Variants in RBPJL observed in about 807,000 individuals in gnomAD.
RBPJL encodes recombining binding protein suppressor of hairless-like protein.
RBPJL carries 50 observed loss-of-function variants against 57.6 expected under a neutral mutation model. The observed-to-expected ratio is 0.87, with a 90% CI of 0.69 to 1.10. The LOEUF (loss-of-function observed/expected upper bound fraction) is 1.10. Ranked by LOEUF, RBPJL falls within the 50% of genes least tolerant of loss-of-function variation. RBPJL has a pLI of 0.00. For synonymous variants in RBPJL, 303 were observed against 294.4 expected (o/e 1.03, Z -0.30); for missense variants, 684 against 693.7 (o/e 0.99, Z 0.16).
chr20:45,310,162 G>T (rs569571526), intron 3 of RBPJL, among the ~76,000 whole-genome samples: 328 of 152,294 alleles, frequency 2.2e-3, no homozygotes, highest in Non-Finnish European at 3.4e-3. Flanking sequence ...ACTGAACGAG[G>T]CCATTTGACG....
In RBPJL at chr20:45,312,369, A is replaced by G; in HGVS notation, c.593A>G (p.Lys198Arg). The change falls in exon 6 of 12, where the codon AAG becomes AGG. Residue 198 changes from lysine (K) to arginine (R), a missense_variant. Physicochemically the swap from Lys to Arg is conservative, Grantham distance 26. Coordinates refer to ENST00000343694, the MANE Select transcript of RBPJL (RefSeq NM_014276.4). ...AAGGTCATCTCGAAGCCCTCGCAGA[A>G]GAAGCAGTCGCTGAAAAACACCGAT... is the stretch of plus-strand genomic sequence containing the variant. ...LIKVISKPSQKKQSLKNTDLC... is the reference protein window; with the variant it reads ...LIKVISKPSQRKQSLKNTDLC... The G allele has an allele frequency of 6.2e-7, 1 of 1,614,104 alleles. No homozygotes were observed. The highest frequency in any genetic ancestry group is 8.5e-7 in the Non-Finnish European group (1 of 1,180,016).
At chr20:45,309,118 C>T (rs1423131751) in intron 2 of RBPJL, among the ~76,000 whole-genome samples, 2 of 151,892 alleles carry the variant, frequency 1.3e-5, no homozygotes, top group African/African-American at 4.8e-5. Context: ...CTCTCCCTTC[C>T]CCTCCCTCCT....
In RBPJL at chr20:45,317,623, T is replaced by A. The variant is rs943949042; in HGVS notation, c.*664T>A. 3 of 152,214 alleles carry A rather than the reference T, an allele frequency of 2.0e-5. No homozygotes were observed. Among genetic ancestry groups the A allele is most frequent in the African/African-American group, 7.2e-5 (3 of 41,400 alleles). The allele number at this position is 152,214 out of a possible 1,614,324, so 9.4% of individuals were successfully genotyped here. A position where few individuals can be genotyped will look rare whatever the true frequency, so the allele number is the denominator to read the frequency against. On this transcript the variant is annotated 3_prime_UTR_variant, in exon 12 of 12. Transcript: ENST00000343694. ...CACAAAGACCTGCTCCTCCCGAGAC[T>A]CTCTCTGACTGCAGCCAGGCATAGT...
intron 8 of RBPJL, 30 bp downstream of exon 8, chr20:45,314,174 G>T (rs1422960776): frequency 6.4e-7 from 1 of 1,573,446 alleles, no homozygotes; most frequent in Non-Finnish European, 8.7e-7. Context: ...GCCTGGAGGG[G>T]TCCCCTCAGA....
intron 7 of RBPJL, 41 bp from the exon 8 acceptor site, chr20:45,313,994 G>T (rs757682493): frequency 7.0e-7 from 1 of 1,419,478 alleles, no homozygotes; most frequent in African/African-American, 1.4e-5. Context: ...GAAGCTTGGG[G>T]GCCGCTGAAA....
intron 1 of RBPJL, among the ~76,000 whole-genome samples, chr20:45,307,182 C>A (rs1986788276): frequency 6.6e-6 from 1 of 152,136 alleles, no homozygotes; most frequent in African/African-American, 2.4e-5. Context: ...CACCGCCGCG[C>A]CCCATGCTGA....
chr20:45,316,239 G>A lies in RBPJL; in HGVS notation c.1073G>A (p.Cys358Tyr), dbSNP rs1208126075. The A allele has an allele frequency of 6.2e-7, 1 of 1,614,140 alleles. No homozygotes were observed. The highest frequency in any genetic ancestry group is 8.5e-7 in the Non-Finnish European group (1 of 1,180,046). Residue 358 changes from cysteine (C) to tyrosine (Y), a missense_variant, in exon 10 of 12, where the codon TGC becomes TAC. Physicochemically the swap from Cys to Tyr is radical, Grantham distance 194. Transcript: ENST00000343694. ...AGGGCTCTGCTTAACGACAGCTCTT[G>A]CTGGACCATCATCGGCACCGAGTCG... ...ANRALLNDSS[C>Y]WTIIGTESVE...
At chr20:45,310,365 G>T (rs553974498) in intron 3 of RBPJL, among the ~76,000 whole-genome samples, 2 of 152,244 alleles carry the variant, frequency 1.3e-5, no homozygotes, top group African/African-American at 2.4e-5. Flanking sequence ...CCAGCACTTT[G>T]GGAGGCCGAG....
chr20:45,312,479 G>A, intron 6 of RBPJL, 84 bp downstream of exon 6: 1 of 1,385,292 alleles, frequency 7.2e-7, no homozygotes, highest in Non-Finnish European at 9.8e-7. Flanking sequence ...GCGGAGGTGG[G>A]GGTAGGCTGG....
chr20:45,311,171 GA>G (rs1268078527), intron 3 of RBPJL, among the ~76,000 whole-genome samples: 5 of 149,114 alleles, frequency 3.4e-5, no homozygotes, highest in Non-Finnish European at 4.4e-5. Flanking sequence ...AGGAATGAAA[GA>G]AAAAAAGAAA....
intron 8 of RBPJL, 25 bp from the exon 9 acceptor site, chr20:45,314,388 T>C: frequency 6.2e-7 from 1 of 1,605,414 alleles, no homozygotes; most frequent in African/African-American, 1.3e-5. Context: ...TTGCCACCAC[T>C]GTTCTTACCA....
intron 8 of RBPJL, 35 bp from the exon 9 acceptor site, chr20:45,314,378 T>C (rs776808805): frequency 4.4e-6 from 7 of 1,598,306 alleles, no homozygotes; most frequent in Non-Finnish European, 6.0e-6. Flanking sequence ...CCCGGGCTCC[T>C]TGCCACCACT....
At position 45,314,484 on chromosome 20, in the gene RBPJL, T is replaced by C. The variant is rs1184075364; in HGVS notation, c.939T>C (p.Cys313=). The C allele has an allele frequency of 1.2e-6, 2 of 1,614,228 alleles. No individual in the cohort carries two copies. Among genetic ancestry groups the C allele is most frequent in the Non-Finnish European group, 1.7e-6 (2 of 1,180,024 alleles). The change falls in exon 9 of 12, where the codon TGT becomes TGC. Residue 313 remains cysteine (C), a synonymous_variant. Coordinates refer to ENST00000343694, the MANE Select transcript of RBPJL (RefSeq NM_014276.4). ...AGCCCATCTCCCAGCTGCACAAGTG[T>C]GCATTCCAGTTTCCAGGCAGTCCCC... ...VDEPISQLHK[C]AFQFPGSPPG...
chr20:45,316,415 G>C (rs2145697760), intron 10 of RBPJL, 62 bp from the exon 11 acceptor site: 4 of 1,581,976 alleles, frequency 2.5e-6, no homozygotes, highest in Non-Finnish European at 3.4e-6. Flanking sequence ...CTAGTGAGTG[G>C]GGGGCAGCGG....
intron 6 of RBPJL, among the ~76,000 whole-genome samples, chr20:45,313,007 C>CAAA (rs11476630): frequency 8.2e-6 from 1 of 121,842 alleles, no homozygotes; most frequent in African/African-American, 3.0e-5. Flanking sequence ...GATGCTATCT[C>CAAA]AAAAAAAAAA....
intron 10 of RBPJL, 54 bp from the exon 11 acceptor site, chr20:45,316,423 C>T: frequency 6.4e-7 from 1 of 1,572,444 alleles, no homozygotes; most frequent in Non-Finnish European, 8.6e-7. Flanking sequence ...TGGGGGGCAG[C>T]GGGTTCCCGC....
chr20:45,315,919 GAAAGA>G (rs915428842), intron 9 of RBPJL: 8 of 373,140 alleles, frequency 2.1e-5, no homozygotes, highest in African/African-American at 1.7e-4. Flanking sequence ...GAGAGAAAGG[GAAAGA>G]AAAAGAAAAG....
chr20:45,316,294 G>A lies in RBPJL; in HGVS notation c.1128G>A (p.Ala376=), dbSNP rs1471952287. ...SVEFSFSTSL[A]CTLEPVTPVP... ...AATTTTCCTTCAGCACCAGCCTGGCGTGTACCCTGGAGCCGGTCACTCCGG... is the reference window on the plus strand; with the variant it reads ...AATTTTCCTTCAGCACCAGCCTGGCATGTACCCTGGAGCCGGTCACTCCGG... Residue 376 remains alanine, a synonymous_variant, in exon 10 of 12, where the codon GCG becomes GCA. Coordinates refer to ENST00000343694, the MANE Select transcript of RBPJL (RefSeq NM_014276.4). 5 of 1,614,084 alleles carry A rather than the reference G, an allele frequency of 3.1e-6. No homozygotes were observed. Among genetic ancestry groups the A allele is most frequent in the African/African-American group, 2.7e-5 (2 of 74,956 alleles).
In RBPJL at chr20:45,317,285, T is replaced by G; in HGVS notation, c.*326T>G. On this transcript the variant is annotated 3_prime_UTR_variant, in exon 12 of 12. Transcript: ENST00000343694. ...TACTTAGTCTACAGACCTATGTGCGTGTCCCTATCCTTCTGTCCTTTTCTC... is the reference window on the plus strand; with the variant it reads ...TACTTAGTCTACAGACCTATGTGCGGGTCCCTATCCTTCTGTCCTTTTCTC... The G allele has an allele frequency of 2.6e-6, 1 of 386,918 alleles. No homozygotes were observed. Among genetic ancestry groups the G allele is most frequent in the Non-Finnish European group, 4.6e-6 (1 of 216,164 alleles). The allele number at this position is 386,918 out of a possible 1,614,324, so 24.0% of individuals were successfully genotyped here.
Sources: gnomAD v4.1 joint callset for allele counts (sites outside exome capture counted in the v4.1 genomes callset) on GRCh38, gnomAD v4.1.1 for gene constraint, MANE v1.5 for transcripts, NCBI Gene and HGNC (gene_info 2026-07-23, HGNC 2026-07-21) for gene names.